The following COL6A3 variants were observed in gnomAD, a reference collection of about 807,000 sequenced individuals.
The protein encoded by COL6A3 is collagen type VI alpha 3 chain.
Under a neutral mutation model 274.1 loss-of-function variants are expected in COL6A3, and 137 were observed. The observed-to-expected ratio is 0.50, with a 90% CI of 0.44 to 0.58. COL6A3 has a LOEUF of 0.58. Ranked by LOEUF, COL6A3 falls within the 20% of genes least tolerant of loss-of-function variation. The probability of loss-of-function intolerance (pLI) is 0.00; values close to 1 mark genes in which losing one functional copy is unlikely to be tolerated. For synonymous variants in COL6A3, 1,650 were observed against 1,650.6 expected (o/e 1.00, Z 0.01); for missense variants, 3,950 against 4,124.9 (o/e 0.96, Z 1.16).
Position 237,394,858 on chromosome 2 carries a change from G to A in COL6A3, c.438C>T (p.Ile146=), listed in dbSNP as rs781449958. ...SRAGDGVPQV[I]VVLTDGHSKD... is the part of the protein sequence containing the mutation. The stretch of plus-strand genomic sequence containing the variant: ...TCGAGTGTCCATCAGTTAACACTAC[G>A]ATAACCTGAGGGACTCCGTCACCGG... The change falls in exon 3 of 44, where the codon ATC becomes ATT. Residue 146 remains isoleucine (I), a synonymous_variant. Transcript: ENST00000295550. 1.4e-5 allele frequency: 23 copies of A among 1,613,236 alleles called. No homozygotes were observed. The highest frequency in any genetic ancestry group is 2.7e-5 in the African/African-American group (2 of 74,898).
chr2:237,372,919 G>A (rs1368038791), intron 8 of COL6A3, among the ~76,000 whole-genome samples: 1 of 152,168 alleles, frequency 6.6e-6, no homozygotes, highest in Non-Finnish European at 1.5e-5. Flanking sequence ...AGCAAGAAAG[G>A]GAACTGCAGA....
At position 237,339,084 on chromosome 2, in the gene COL6A3, C is replaced by T. The variant is rs755510736; in HGVS notation, c.8498G>A (p.Arg2833Lys). The T allele has an allele frequency of 2.5e-6, 4 of 1,613,866 alleles. No individual in the cohort carries two copies. Among genetic ancestry groups the T allele is most frequent in the Non-Finnish European group, 3.4e-6 (4 of 1,179,966 alleles). ...CCCTTGGAACCAATCACACTGTTTC[C>T]TGATATCTGGGGACAAGTAAAAAGC... is the stretch of plus-strand genomic sequence containing the variant. ...ENAFYLSPDI[R>K]KQCDWFQGDQ... Residue 2833 changes from arginine to lysine, a missense_variant, in exon 39 of 44, where the codon AGG becomes AAG. Physicochemically the swap from Arg to Lys is conservative, Grantham distance 26 (BLOSUM62 2). This residue lies in a region of COL6A3 where 1,284 missense variants were observed against 1,349.7 expected (regional missense o/e 0.95). Transcript: ENST00000295550.
intron 16 of COL6A3, among the ~76,000 whole-genome samples, chr2:237,360,816 T>A (rs747056768): frequency 5.3e-5 from 8 of 152,136 alleles, no homozygotes; most frequent in Non-Finnish European, 1.0e-4. Flanking sequence ...CCATCTCTAC[T>A]TGCATGTCTT....
At position 237,407,544 on chromosome 2, in the gene COL6A3, TG is replaced by T; in HGVS notation, c.-31+6408del. On this transcript the variant is annotated intron_variant, in intron 1 of 43. Transcript: ENST00000295550. The surrounding 1 kb of genome is among the most constrained non-coding windows in gnomAD (Gnocchi z 4.3). ...GTGAATGAGAGCACCTGTAAGAATATGCCGACCTGCAGCCAGGCTTAGGCCA... is the reference window on the plus strand; with the variant it reads ...GTGAATGAGAGCACCTGTAAGAATATCCGACCTGCAGCCAGGCTTAGGCCA... 6.6e-6 allele frequency among the ~76,000 whole-genome samples: 1 copy of T among 152,352 alleles called. No individual in the cohort carries two copies. The highest frequency in any genetic ancestry group is 2.4e-5 in the African/African-American group (1 of 41,586).
chr2:237,347,385 C>G (rs967952413), intron 31 of COL6A3, among the ~76,000 whole-genome samples: 1 of 152,222 alleles, frequency 6.6e-6, no homozygotes, highest in Non-Finnish European at 1.5e-5. Flanking sequence ...GTCTGAGGAG[C>G]CCATGGCCTT....
rs772700553 is a variant in COL6A3, at chr2:237,369,139, C to T, written c.4324G>A (p.Asp1442Asn). 1.9e-5 allele frequency: 31 copies of T among 1,613,610 alleles called. No individual in the cohort carries two copies. Among genetic ancestry groups the T allele is most frequent in the South Asian group, 1.5e-4 (14 of 91,070 alleles). ...SDAADIVFLI[D>N]SSEGVRPDGF... ...TCTGGCCTAACTCCCTCAGAGCTGT[C>T]GATCAGAAAGACAATGTCTGCAGCA... Residue 1442 changes from aspartate to asparagine, a missense_variant, in exon 10 of 44, where the codon GAC becomes AAC. By Grantham distance (23) the Asp-to-Asn change is conservative. Coordinates refer to ENST00000295550, the MANE Select transcript of COL6A3 (RefSeq NM_004369.4).
Position 237,365,941 on chromosome 2 carries a change from G to A in COL6A3, c.5595C>T (p.Ile1865=). ...TGTGCATCTGGCTGATTCTGTTCAA[G>A]ATGGCGTCCACCTTGGACTCGAAGC... is the stretch of plus-strand genomic sequence containing the variant. ...QKGFESKVDA[I]LNRISQMHRV... is the part of the protein sequence containing the mutation. The change falls in exon 12 of 44, where the codon ATC becomes ATT. Residue 1865 remains isoleucine, a synonymous_variant. Coordinates refer to ENST00000295550, the MANE Select transcript of COL6A3 (RefSeq NM_004369.4). 6.2e-7 allele frequency: 1 copy of A among 1,614,160 alleles called. No homozygotes were observed. Among genetic ancestry groups the A allele is most frequent in the Non-Finnish European group, 8.5e-7 (1 of 1,180,030 alleles).
intron 36 of COL6A3, chr2:237,343,777 T>C (rs991421857): frequency 7.0e-5 from 12 of 171,312 alleles, no homozygotes; most frequent in East Asian, 1.6e-4. Context: ...TCAGGGCCGA[T>C]TGGGACAGAG....
chr2:237,400,500 T>G (rs2078563141), intron 1 of COL6A3, among the ~76,000 whole-genome samples: 1 of 150,786 alleles, frequency 6.6e-6, no homozygotes, highest in South Asian at 2.1e-4. Flanking sequence ...CTGGATAACC[T>G]AGAAAAAAAA....
At position 237,344,194 on chromosome 2, in the gene COL6A3, G is replaced by A. The variant is rs2077050256; in HGVS notation, c.7668+156C>T. 1 of 1,120,042 alleles carries A rather than the reference G, an allele frequency of 8.9e-7. No homozygotes were observed. The highest frequency in any genetic ancestry group is 1.3e-6 in the Non-Finnish European group (1 of 744,066). The allele number at this position is 1,120,042 out of a possible 1,614,324, so 69.4% of individuals were successfully genotyped here. On this transcript the variant is annotated intron_variant, in intron 36 of 43. Coordinates refer to ENST00000295550, the MANE Select transcript of COL6A3 (RefSeq NM_004369.4). The surrounding 1 kb of genome is among the most constrained non-coding windows in gnomAD (Gnocchi z 4.8). Reference sequence around the variant, plus strand: ...GTGCTGGAGCCACGAGGTTGTCCTGGAGACCTCACAAGAGAAGTTCTCAGG... The same window carrying A: ...GTGCTGGAGCCACGAGGTTGTCCTGAAGACCTCACAAGAGAAGTTCTCAGG...
chr2:237,376,273 T>C (rs895577584), intron 7 of COL6A3, among the ~76,000 whole-genome samples: 2 of 152,196 alleles, frequency 1.3e-5, no homozygotes, highest in African/African-American at 2.4e-5. Flanking sequence ...GTCATGGCAG[T>C]GTCAATTAGC....
Position 237,366,019 on chromosome 2 carries a change from C to T in COL6A3, c.5517G>A (p.Val1839=), listed in dbSNP as rs1194237098. ...CTCTAGAACCATCAAACCCCAGAAT[C>T]ACATCCAGATTACAAGCTGGAAAGG... ...TDAAKACNLD[V]ILGFDGSRDQ... The change falls in exon 12 of 44, where the codon GTG becomes GTA. Residue 1839 remains valine (V), a synonymous_variant. Coordinates refer to ENST00000295550, the MANE Select transcript of COL6A3 (RefSeq NM_004369.4). 6.2e-7 allele frequency: 1 copy of T among 1,613,620 alleles called. No homozygotes were observed.
At chr2:237,379,860 A>T (rs566959111) in intron 5 of COL6A3, among the ~76,000 whole-genome samples, 1 of 152,380 alleles carries the variant, frequency 6.6e-6, no homozygotes, top group Admixed American at 6.5e-5. Flanking sequence ...AATTCCCCCA[A>T]AGTGAGATGA....
At chr2:237,341,284 GC>G (rs1213771659) in intron 37 of COL6A3, 134 bp from the exon 38 acceptor site, 31 of 856,852 alleles carry the variant, frequency 3.6e-5, no homozygotes, top group Non-Finnish European at 5.9e-5. Flanking sequence ...GGTGGCTCAC[GC>G]CTGTAATCCC....
rs1182132184 is a variant in COL6A3, at chr2:237,371,257, G to A, written c.4285+475C>T. 6.6e-6 allele frequency among the ~76,000 whole-genome samples: 1 copy of A among 152,172 alleles called. No individual in the cohort carries two copies. The highest frequency in any genetic ancestry group is 1.5e-5 in the Non-Finnish European group (1 of 68,028). On this transcript the variant is annotated intron_variant, in intron 9 of 43. Coordinates refer to ENST00000295550, the MANE Select transcript of COL6A3 (RefSeq NM_004369.4). The surrounding 1 kb of genome is among the most constrained non-coding windows in gnomAD (Gnocchi z 4.3). ...ATGCCATGAGCAATAGACCCAACTTGTTCAGTCGCAGGTGTGTCCTGGTGG... is the reference window on the plus strand; with the variant it reads ...ATGCCATGAGCAATAGACCCAACTTATTCAGTCGCAGGTGTGTCCTGGTGG...
Position 237,366,677 on chromosome 2 carries a change from TG to T in COL6A3, c.5500+9del. The T allele has an allele frequency of 6.2e-7, 1 of 1,614,174 alleles. No homozygotes were observed. The highest frequency in any genetic ancestry group is 8.5e-7 in the Non-Finnish European group (1 of 1,180,022). On this transcript the variant is annotated intron_variant, in intron 11 of 43. Transcript: ENST00000295550. ...GAAAGGATGGAAAATATGCACATAA[TG>T]GGAGTTACCTTTGGCAGCATCAGTT...
intron 5 of COL6A3, among the ~76,000 whole-genome samples, 157 bp from the exon 6 acceptor site, chr2:237,379,392 A>C (rs967748066): frequency 2.0e-5 from 3 of 152,202 alleles, no homozygotes; most frequent in Admixed American, 6.5e-5. Flanking sequence ...AGATGGCTGC[A>C]TATTTTCCTC....
rs373432044 is a variant in COL6A3, at chr2:237,344,595, T to G, written c.7423A>C (p.Asn2475His). The stretch of plus-strand genomic sequence containing the variant: ...TTGGATGTCAGAGCCACCTGAAGGT[T>G]CTTAATCTTGTCCAGGAGGACCGAC... ...RKSVLLDKIKNLQVALTSKQQ... is the reference protein window; with the variant it reads ...RKSVLLDKIKHLQVALTSKQQ... The change falls in exon 36 of 44, where the codon AAC becomes CAC. Residue 2475 changes from asparagine (N) to histidine (H), a missense_variant. Around this residue, in one of 5 missense-constraint regions of COL6A3, gnomAD observed 1,284 missense variants for 1,349.7 expected, o/e 0.95. Transcript: ENST00000295550. This position sits in a 1 kb window ranked among gnomAD's most constrained non-coding sequence, Gnocchi z 4.8. 1 of 1,614,218 alleles carries G rather than the reference T, an allele frequency of 6.2e-7. No individual in the cohort carries two copies. The highest frequency in any genetic ancestry group is 8.5e-7 in the Non-Finnish European group (1 of 1,180,042).
At chr2:237,338,723 G>A (rs1700673864) in intron 39 of COL6A3, among the ~76,000 whole-genome samples, 1 of 152,188 alleles carries the variant, frequency 6.6e-6, no homozygotes, top group South Asian at 2.1e-4. Context: ...AGCCAAGATT[G>A]CACAACTGCA....
Sources: gnomAD v4.1 joint callset for allele counts (sites outside exome capture counted in the v4.1 genomes callset) on GRCh38, gnomAD v4.1.1 for gene constraint, gnomAD v4.1.1 regional missense constraint, Gnocchi (gnomAD v3.1) non-coding constraint, MANE v1.5 for transcripts, NCBI Gene and HGNC (gene_info 2026-07-23, HGNC 2026-07-21) for gene names.